TPRX1: variants seen among roughly 807,000 people sequenced by gnomAD.
The protein encoded by TPRX1 is tetra-peptide repeat homeobox protein 1.
A neutral mutation model predicts 8.1 loss-of-function variants in TPRX1; 2 were observed. The ratio of observed to expected loss-of-function variants is 0.25; its 90% CI spans 0.10 to 0.78. The LOEUF (loss-of-function observed/expected upper bound fraction) is 0.78. TPRX1 is among the 30% of genes least tolerant of loss of function. The pLI, the probability that TPRX1 is intolerant of heterozygous loss-of-function variation, is 0.70. For missense variants in TPRX1, 517 were observed against 586.9 expected (o/e 0.88, Z 1.23); for synonymous variants, 257 against 254.1 (o/e 1.01, Z -0.11).
intron 2 of TPRX1, among the ~76,000 whole-genome samples, chr19:47,810,629 G>A (rs1386036879): frequency 2.6e-5 from 4 of 151,776 alleles, no homozygotes; most frequent in Non-Finnish European, 5.9e-5. Flanking sequence ...TTACAGGCGC[G>A]TCCAGCCTTC....
intron 2 of TPRX1, among the ~76,000 whole-genome samples, chr19:47,818,087 A>C (rs1204533006): frequency 6.6e-6 from 1 of 152,262 alleles, no homozygotes; most frequent in Non-Finnish European, 1.5e-5. Flanking sequence ...GCAGCCCCAC[A>C]GTCTGACCTC....
intron 2 of TPRX1, among the ~76,000 whole-genome samples, chr19:47,815,158 A>ATTT (rs1967826860): frequency 1.1e-5 from 1 of 88,740 alleles, no homozygotes; most frequent in African/African-American, 4.7e-5. Context: ...ATATATATAT[A>ATTT]TATATTTTTT....
intron 2 of TPRX1, among the ~76,000 whole-genome samples, chr19:47,816,572 G>C (rs1291799179): frequency 7.7e-6 from 1 of 130,190 alleles, no homozygotes; most frequent in African/African-American, 3.0e-5. Context: ...TCACGCCGTC[G>C]CCCAGGCTGG....
intron 2 of TPRX1, chr19:47,818,388 CTCCATCCA>C (rs201507309): frequency 2.9e-6 from 1 of 341,736 alleles, no homozygotes; most frequent in African/African-American, 2.6e-5. Context: ...CCATCCATCC[CTCCATCCA>C]TCCATCCATC....
chr19:47,807,228 T>C (rs1359415835), intron 2 of TPRX1, among the ~76,000 whole-genome samples: 1 of 152,026 alleles, frequency 6.6e-6, no homozygotes. Context: ...TTTTGTACTT[T>C]ATGATTATTC....
At chr19:47,804,868 C>T (rs1024575701) in intron 2 of TPRX1, among the ~76,000 whole-genome samples, 1 of 152,188 alleles carries the variant, frequency 6.6e-6, no homozygotes, top group Admixed American at 6.5e-5. Flanking sequence ...GTTGGGGTCC[C>T]CATCTCAGGA....
At chr19:47,806,147 G>A (rs1450202487) in intron 2 of TPRX1, among the ~76,000 whole-genome samples, 2 of 152,032 alleles carry the variant, frequency 1.3e-5, no homozygotes, top group Non-Finnish European at 2.9e-5. Flanking sequence ...GGTTGAACCC[G>A]GGAGGCGGAG....
chr19:47,815,646 C>CAAA (rs34265596), intron 2 of TPRX1, among the ~76,000 whole-genome samples: 10,948 of 60,192 alleles, frequency 0.18, 1,422 homozygotes, highest in African/African-American at 0.2. Context: ...CCCGTCTCTA[C>CAAA]AAAAAAAAAA....
chr19:47,803,369 C>T (rs997744630), intron 3 of TPRX1, 135 bp downstream of exon 2: 4 of 719,972 alleles, frequency 5.6e-6, no homozygotes, highest in Non-Finnish European at 9.7e-6. Flanking sequence ...CAGGATGCAG[C>T]CCTGGTCTAC....
chr19:47,802,486 G>C lies in TPRX1; in HGVS notation c.816C>G (p.Asn272Lys), dbSNP rs756318336. 28 of 1,545,004 alleles carry C rather than the reference G, an allele frequency of 1.8e-5. No homozygotes were observed. The South Asian group carries it at 3.2e-4, about 18-fold the overall frequency. ...GGTTTGGGCCTGGGATCGGGCCTGG[G>C]TTTGGGCCTGAGAATGGGCCTGAGA... The change falls in exon 4 of 4, where the codon AAC (asparagine) becomes AAG (lysine). Residue 272 changes from asparagine to lysine, a missense_variant. By Grantham distance (94) the Asn-to-Lys change is moderately conservative. Coordinates refer to ENST00000535759, the Ensembl canonical transcript of TPRX1.
At chr19:47,806,227 A>T (rs1384240275) in intron 2 of TPRX1, among the ~76,000 whole-genome samples, 1 of 150,640 alleles carries the variant, frequency 6.6e-6, no homozygotes, top group Non-Finnish European at 1.5e-5. Flanking sequence ...ATCTCAAAAT[A>T]AATAAAAGTG....
chr19:47,810,359 T>C (rs1395291605), intron 2 of TPRX1, among the ~76,000 whole-genome samples: 1 of 134,516 alleles, frequency 7.4e-6, no homozygotes, highest in African/African-American at 2.7e-5. Flanking sequence ...TTTTTTTTTT[T>C]TTTTTTTGAG....
At chr19:47,802,512 TTGGGCCTGGGATCGGGGC>T in exon 4 of TPRX1, 2 of 1,524,000 alleles carry the variant, frequency 1.3e-6, no homozygotes, top group Non-Finnish European at 1.8e-6. Flanking sequence ...GGGCCTGAGA[TTGGGCCTGGGATCGGGGC>T]TGGGCCTGAA....
At chr19:47,802,551 G>T in exon 4 of TPRX1, 1 of 1,550,472 alleles carries the variant, frequency 6.4e-7, no homozygotes, top group South Asian at 1.2e-5. Flanking sequence ...ATTGGGCCTG[G>T]GATTGGGCCA....
At chr19:47,802,403 ATCG>A (rs756496569) in exon 4 of TPRX1, 4 of 1,262,668 alleles carry the variant, frequency 3.2e-6, no homozygotes, top group Non-Finnish European at 3.2e-6. Flanking sequence ...CGGGCCTGGG[ATCG>A]GGACTGAGAT....
chr19:47,816,879 G>A (rs1967848994), intron 2 of TPRX1, among the ~76,000 whole-genome samples: 1 of 152,204 alleles, frequency 6.6e-6, no homozygotes, highest in African/African-American at 2.4e-5. Flanking sequence ...ATGAATGTGA[G>A]CCCAGTTTTA....
intron 2 of TPRX1, among the ~76,000 whole-genome samples, chr19:47,813,914 G>A (rs1967807945): frequency 7.4e-6 from 1 of 135,494 alleles, no homozygotes; most frequent in African/African-American, 2.7e-5. Flanking sequence ...GAGGACGAGG[G>A]AGACCAGAAG....
At chr19:47,807,950 A>G (rs1967749270) in intron 2 of TPRX1, among the ~76,000 whole-genome samples, 1 of 151,834 alleles carries the variant, frequency 6.6e-6, no homozygotes, top group Admixed American at 6.6e-5. Flanking sequence ...TTTTTTTGAG[A>G]CAGGGTCTTG....
intron 2 of TPRX1, among the ~76,000 whole-genome samples, 124 bp from the exon 1 acceptor site, chr19:47,804,675 C>G (rs2123713091): frequency 6.6e-6 from 1 of 152,104 alleles, no homozygotes; most frequent in East Asian, 1.9e-4. Flanking sequence ...AGTCCCGCCC[C>G]CTGGAGGAGT....
Sources: gnomAD v4.1 joint callset for allele counts (sites outside exome capture counted in the v4.1 genomes callset) on GRCh38, gnomAD v4.1.1 for gene constraint, MANE v1.5 for transcripts, NCBI Gene and HGNC (gene_info 2026-07-23, HGNC 2026-07-21) for gene names.